The following ZNF236 variants were observed in gnomAD, a reference collection of about 807,000 sequenced individuals.
ZNF236 encodes zinc finger protein 236.
A neutral mutation model predicts 191.2 loss-of-function variants in ZNF236; 50 were observed. The ratio of observed to expected loss-of-function variants is 0.26; its 90% CI spans 0.21 to 0.33. ZNF236 has a LOEUF of 0.33. Ranked by LOEUF, ZNF236 falls within the 10% of genes least tolerant of loss-of-function variation. ZNF236 has a pLI of 1.00. For synonymous variants in ZNF236, 907 were observed against 928.8 expected (o/e 0.98, Z 0.43); for missense variants, 1,754 against 2,374.5 (o/e 0.74, Z 5.43).
intron 1 of ZNF236, 131 bp downstream of exon 1, chr18:76,822,793 C>G (rs1258070350): frequency 6.9e-6 from 1 of 145,204 alleles, no homozygotes. Context: ...CAGACCCGGG[C>G]CGCCGCCGCC....
At chr18:76,852,636 C>T (rs79025981) in intron 3 of ZNF236, among the ~76,000 whole-genome samples, 1 of 149,094 alleles carries the variant, frequency 6.7e-6, no homozygotes, top group African/African-American at 2.5e-5. Context: ...CCCATCTCTA[C>T]CAAAAAAAAA....
intron 1 of ZNF236, among the ~76,000 whole-genome samples, chr18:76,833,434 C>T (rs989616314): frequency 1.3e-5 from 2 of 151,904 alleles, no homozygotes; most frequent in Non-Finnish European, 2.9e-5. Flanking sequence ...ATCATGTTTA[C>T]TTTGTATTTT....
Position 76,912,245 on chromosome 18 carries a change from C to T in ZNF236, c.2807C>T (p.Thr936Ile). ...CTTTATACTTCTCTTAAATTTTAGACAACTCGCTTGATTCAGGAGTCATCC... is the reference window on the plus strand; with the variant it reads ...CTTTATACTTCTCTTAAATTTTAGATAACTCGCTTGATTCAGGAGTCATCC... ...QAPSSDGMNV[T>I]TRLIQESSQE... The change falls in exon 17 of 31, where the codon ACA (threonine) becomes ATA (isoleucine). Residue 936 changes from threonine to isoleucine, a missense_variant and splice_region_variant. Around this residue, in one of 5 missense-constraint regions of ZNF236, gnomAD observed 641 missense variants for 869.6 expected, o/e 0.74. Transcript: ENST00000320610. 1.9e-6 allele frequency: 3 copies of T among 1,612,312 alleles called. No homozygotes were observed. The highest frequency in any genetic ancestry group is 2.5e-6 in the Non-Finnish European group (3 of 1,179,008).
chr18:76,967,106 G>T (rs2974267), intron 30 of ZNF236, among the ~76,000 whole-genome samples: 3 of 47,228 alleles, frequency 6.4e-5, no homozygotes, highest in South Asian at 1.0e-3. Context: ...TTCGTGAGAT[G>T]TGTTATTTGG....
chr18:76,910,312 A>T (rs1439774987), intron 15 of ZNF236, 143 bp downstream of exon 15: 3 of 678,318 alleles, frequency 4.4e-6, no homozygotes, highest in Non-Finnish European at 7.1e-6. Flanking sequence ...TGCATTGTAG[A>T]TTTTTTTTTA....
chr18:76,874,014 C>T (rs556111209), intron 5 of ZNF236, among the ~76,000 whole-genome samples: 2 of 147,408 alleles, frequency 1.4e-5, no homozygotes, highest in Non-Finnish European at 3.0e-5. Context: ...CTCACCGTGC[C>T]TCCTGCCTGC....
intron 27 of ZNF236, among the ~76,000 whole-genome samples, chr18:76,954,696 T>A (rs1172250405): frequency 6.6e-6 from 1 of 152,200 alleles, no homozygotes; most frequent in Non-Finnish European, 1.5e-5. Context: ...GAATAACACC[T>A]GCAGATACTC....
chr18:76,897,850 G>A (rs1977479968), intron 10 of ZNF236, among the ~76,000 whole-genome samples: 1 of 152,186 alleles, frequency 6.6e-6, no homozygotes, highest in Non-Finnish European at 1.5e-5. Context: ...TTGACTACTT[G>A]GAGGATATAT....
intron 1 of ZNF236, chr18:76,824,413 A>T (rs760090808): frequency 1.3e-6 from 1 of 780,954 alleles, no homozygotes; most frequent in Non-Finnish European, 2.4e-6. Flanking sequence ...CCAGGTATGC[A>T]GATTTGTAGT....
chr18:76,839,852 T>C (rs1182191068), intron 1 of ZNF236, among the ~76,000 whole-genome samples: 1 of 152,206 alleles, frequency 6.6e-6, no homozygotes, highest in African/African-American at 2.4e-5. Context: ...GAAAACAGAA[T>C]AATGGCAGCA....
At chr18:76,967,956 C>A (rs948042538) in intron 30 of ZNF236, among the ~76,000 whole-genome samples, 3 of 152,268 alleles carry the variant, frequency 2.0e-5, no homozygotes, top group Middle Eastern at 3.4e-3. Context: ...ATTCCTGATG[C>A]TGTGTTAATG....
intron 19 of ZNF236, among the ~76,000 whole-genome samples, chr18:76,916,403 G>T (rs1967365039): frequency 1.3e-5 from 2 of 152,250 alleles, no homozygotes; most frequent in South Asian, 4.1e-4. Flanking sequence ...GTAACCCTTG[G>T]TAAAACCTGT....
At chr18:76,916,801 G>C (rs1007614638) in intron 19 of ZNF236, among the ~76,000 whole-genome samples, 1 of 152,198 alleles carries the variant, frequency 6.6e-6, no homozygotes, top group Non-Finnish European at 1.5e-5. Context: ...TTGGTGCGCA[G>C]TGTTGTCAGT....
chr18:76,968,447 T>G lies in ZNF236; in HGVS notation c.*108T>G, dbSNP rs1968839175. The G allele has an allele frequency of 4.0e-6, 6 of 1,502,924 alleles. No homozygotes were observed. The South Asian group carries it at 7.8e-5, about 20-fold the overall frequency. 93.1% of individuals were successfully genotyped at this position (1,502,924 alleles called of 1,614,324 possible). Reference sequence around the variant, plus strand: ...GCTTCAAGTGTTAAAAATGCTACAATAGTTTTTTATCTATAAAATTATCTA... The same window carrying G: ...GCTTCAAGTGTTAAAAATGCTACAAGAGTTTTTTATCTATAAAATTATCTA... On this transcript the variant is annotated 3_prime_UTR_variant, in exon 31 of 31. Coordinates refer to ENST00000320610, the MANE Select transcript of ZNF236 (RefSeq NM_001306089.2).
chr18:76,823,755 A>C (rs1417033594), intron 1 of ZNF236, among the ~76,000 whole-genome samples: 2 of 152,156 alleles, frequency 1.3e-5, no homozygotes, highest in East Asian at 1.9e-4. Flanking sequence ...GAGCTTGAGG[A>C]ACGGACTTTC....
At chr18:76,854,010 TAA>T (rs535019679) in intron 3 of ZNF236, among the ~76,000 whole-genome samples, 7 of 138,968 alleles carry the variant, frequency 5.0e-5, no homozygotes, top group Admixed American at 7.3e-5. Context: ...ACTCTGTCTT[TAA>T]AAAAAAAAAA....
chr18:76,910,551 G>T, intron 15 of ZNF236, 109 bp from the exon 16 acceptor site: 1 of 1,121,462 alleles, frequency 8.9e-7, no homozygotes, highest in Non-Finnish European at 1.2e-6. Flanking sequence ...TTCTAATTCA[G>T]AAAATAGAAA....
chr18:76,937,181 T>C lies in ZNF236; in HGVS notation c.4620T>C (p.Leu1540=). Residue 1540 remains leucine, a synonymous_variant, in exon 26 of 31, where the codon CTT becomes CTC. Coordinates refer to ENST00000320610, the MANE Select transcript of ZNF236 (RefSeq NM_001306089.2). The part of the protein sequence containing the change: ...ISELNTTSGS[L]PSTTPMSPSA... ...AACTTAACACTACAAGCGGAAGCCT[T>C]CCTTCAACAACACCGATGTCTCCAT... The C allele has an allele frequency of 6.2e-7, 1 of 1,614,096 alleles. No homozygotes were observed. The highest frequency in any genetic ancestry group is 8.5e-7 in the Non-Finnish European group (1 of 1,179,980).
intron 1 of ZNF236, among the ~76,000 whole-genome samples, chr18:76,829,225 G>A (rs1975094406): frequency 6.6e-6 from 1 of 152,154 alleles, no homozygotes; most frequent in Non-Finnish European, 1.5e-5. Context: ...TGTTTTTCAA[G>A]CTATGTTTTG....
Sources: allele counts gnomAD v4.1 joint callset (sites outside exome capture counted in the v4.1 genomes callset), GRCh38; gene constraint gnomAD v4.1.1; regional missense constraint gnomAD v4.1.1; transcripts MANE v1.5; gene names NCBI Gene and HGNC (gene_info 2026-07-23, HGNC 2026-07-21).